INSC: variants seen among roughly 807,000 people sequenced by gnomAD.
The protein encoded by INSC is protein inscuteable homolog.
A neutral mutation model predicts 58.6 loss-of-function variants in INSC; 67 were observed. That is an observed-to-expected ratio of 1.14 (90% confidence interval 0.94 to 1.40). The LOEUF (loss-of-function observed/expected upper bound fraction) is 1.40. INSC is among the 40% of genes most tolerant of loss of function. INSC has a pLI of 0.00. For synonymous variants in INSC, 262 were observed against 276.1 expected (o/e 0.95, Z 0.51); for missense variants, 714 against 692.0 (o/e 1.03, Z -0.36).
chr11:15,225,560 G>A (rs1345354362), intron 8 of INSC, 90 bp from the exon 9 acceptor site: 27 of 1,303,648 alleles, frequency 2.1e-5, no homozygotes, highest in Non-Finnish European at 2.4e-5. Context: ...CTGCTCAAAC[G>A]ATCTCCCAGA....
intron 2 of INSC, among the ~76,000 whole-genome samples, chr11:15,165,992 T>C (rs529409826): frequency 6.6e-6 from 1 of 152,238 alleles, no homozygotes; most frequent in South Asian, 2.1e-4. Context: ...TGTCTGTCTC[T>C]TCTGCTCGAC....
chr11:15,237,440 C>T (rs10734232), intron 10 of INSC, among the ~76,000 whole-genome samples: 103,023 of 152,120 alleles, frequency 0.68, 35,244 homozygotes, highest in East Asian at 0.85. Context: ...ACATGAAGCA[C>T]GTTAGAAGAT....
chr11:15,193,248 G>A (rs561797005), intron 6 of INSC, among the ~76,000 whole-genome samples: 4 of 152,296 alleles, frequency 2.6e-5, no homozygotes, highest in East Asian at 3.9e-4. Flanking sequence ...TATTTAGAAC[G>A]AGAAAATAAT....
At chr11:15,113,480 C>A (rs1325370584), upstream of INSC, among the ~76,000 whole-genome samples, 1 of 152,190 alleles carries the variant, frequency 6.6e-6, no homozygotes, top group Non-Finnish European at 1.5e-5. Context: ...TATCATACCA[C>A]CTGCCCTACC....
At chr11:15,192,136 T>C (rs1850201658) in intron 6 of INSC, among the ~76,000 whole-genome samples, 1 of 152,214 alleles carries the variant, frequency 6.6e-6, no homozygotes, top group Non-Finnish European at 1.5e-5. Flanking sequence ...AGCCTTCATA[T>C]CAGTTTCTCC....
chr11:15,232,271 G>T (rs1007399598), intron 9 of INSC, among the ~76,000 whole-genome samples: 1 of 152,160 alleles, frequency 6.6e-6, no homozygotes, highest in Non-Finnish European at 1.5e-5. Context: ...AGTGCTGCAG[G>T]TTACTTGGCT....
intron 2 of INSC, among the ~76,000 whole-genome samples, chr11:15,154,682 TTC>T (rs1326596554): frequency 1.3e-4 from 20 of 152,182 alleles, no homozygotes; most frequent in Non-Finnish European, 2.5e-4. Flanking sequence ...TGGACAATTT[TTC>T]TCTCTCTCTG....
intron 7 of INSC, among the ~76,000 whole-genome samples, chr11:15,215,139 C>T (rs937803171): frequency 4.6e-5 from 7 of 152,220 alleles, no homozygotes; most frequent in African/African-American, 1.7e-4. Flanking sequence ...CAGATGATGA[C>T]CAAGCCAGGC....
chr11:15,164,978 A>T (rs1849145854), intron 2 of INSC, among the ~76,000 whole-genome samples: 1 of 151,926 alleles, frequency 6.6e-6, no homozygotes, highest in South Asian at 2.1e-4. Context: ...AGTCCTTTAA[A>T]CCTCTTTTTC....
chr11:15,116,138 G>A (rs1221189789), intron 1 of INSC, among the ~76,000 whole-genome samples: 1 of 152,196 alleles, frequency 6.6e-6, no homozygotes, highest in Non-Finnish European at 1.5e-5. Flanking sequence ...GGACTTAGAA[G>A]CACTGTTCGC....
intron 2 of INSC, among the ~76,000 whole-genome samples, chr11:15,159,704 T>G (rs1422071567): frequency 6.6e-6 from 1 of 152,210 alleles, no homozygotes; most frequent in Non-Finnish European, 1.5e-5. Flanking sequence ...ATCTGTGTGA[T>G]CTCAGATATG....
chr11:15,246,843 G>A lies in INSC; in HGVS notation c.*803G>A, dbSNP rs1319213708. 6.6e-6 allele frequency: 1 copy of A among 152,146 alleles called. No homozygotes were observed. The highest frequency in any genetic ancestry group is 2.4e-5 in the African/African-American group (1 of 41,418). The allele number at this position is 152,146 out of a possible 1,614,324, so 9.4% of individuals were successfully genotyped here. A position where few individuals can be genotyped will look rare whatever the true frequency, so the allele number is the denominator to read the frequency against. ...CCTCAAAAGTATACTTGAAAGCAGT[G>A]GTGTGCTGAAGCCAGCTCATGCCCA... is the stretch of plus-strand genomic sequence containing the variant. On this transcript the variant is annotated 3_prime_UTR_variant, in exon 13 of 13. Transcript: ENST00000379556.
intron 1 of INSC, among the ~76,000 whole-genome samples, chr11:15,144,532 T>A (rs1030480179): frequency 2.6e-5 from 4 of 152,178 alleles, no homozygotes; most frequent in Admixed American, 2.6e-4. Context: ...AGCAGCCTCC[T>A]CCCTGTTCCT....
At chr11:15,163,014 T>C (rs1248830463) in intron 2 of INSC, among the ~76,000 whole-genome samples, 1 of 152,226 alleles carries the variant, frequency 6.6e-6, no homozygotes, top group African/African-American at 2.4e-5. Flanking sequence ...ATCATCTATA[T>C]GAATCAGTGT....
chr11:15,149,221 C>G lies in INSC; in HGVS notation c.47C>G (p.Pro16Arg). Reference sequence around the variant, plus strand: ...CGCCACCTGGACTCCGTCACCCTGCCGGGTCAGCGGTAAGTCCTACAGCTG... The same window carrying G: ...CGCCACCTGGACTCCGTCACCCTGCGGGGTCAGCGGTAAGTCCTACAGCTG... ...GGRHLDSVTL[P>R]GQRLHLMQVD... The change falls in exon 2 of 13, where the codon CCG becomes CGG. Residue 16 changes from proline (P) to arginine (R), a missense_variant. Transcript: ENST00000379556. The G allele has an allele frequency of 1.2e-6, 2 of 1,605,676 alleles. No homozygotes were observed. Among genetic ancestry groups the G allele is most frequent in the Non-Finnish European group, 8.5e-7 (1 of 1,176,338 alleles).
At chr11:15,176,793 G>C (rs959988744) in intron 3 of INSC, among the ~76,000 whole-genome samples, 2 of 151,860 alleles carry the variant, frequency 1.3e-5, no homozygotes, top group Non-Finnish European at 2.9e-5. Flanking sequence ...CCTTTGCCTC[G>C]AACTTTTCCT....
At chr11:15,144,551 C>A (rs1345961381) in intron 1 of INSC, among the ~76,000 whole-genome samples, 1 of 152,152 alleles carries the variant, frequency 6.6e-6, no homozygotes, top group Non-Finnish European at 1.5e-5. Context: ...CTAGAGCTGC[C>A]GCCAAAGCTT....
chr11:15,204,581 T>G (rs1257712984), intron 7 of INSC, among the ~76,000 whole-genome samples: 1 of 152,208 alleles, frequency 6.6e-6, no homozygotes, highest in East Asian at 1.9e-4. Flanking sequence ...GGTTGGCCAT[T>G]GTCAGTGTTG....
intron 7 of INSC, among the ~76,000 whole-genome samples, chr11:15,201,206 A>T (rs888681851): frequency 6.6e-6 from 1 of 152,126 alleles, no homozygotes; most frequent in Non-Finnish European, 1.5e-5. Context: ...TGGGGTGACA[A>T]CTGGGGAGAC....
Sources: allele counts gnomAD v4.1 joint callset (sites outside exome capture counted in the v4.1 genomes callset), GRCh38; gene constraint gnomAD v4.1.1; transcripts MANE v1.5; gene names NCBI Gene and HGNC (gene_info 2026-07-23, HGNC 2026-07-21).